Variants in ANTXR1 observed in about 807,000 individuals in gnomAD.
The protein encoded by ANTXR1 is anthrax toxin receptor 1.
A neutral mutation model predicts 78.1 loss-of-function variants in ANTXR1; 19 were observed. The observed-to-expected ratio is 0.24, with a 90% CI of 0.17 to 0.36. The LOEUF (loss-of-function observed/expected upper bound fraction) is 0.36, where lower values mean the gene tolerates loss of function less well. Ranked by LOEUF, ANTXR1 falls within the 10% of genes least tolerant of loss-of-function variation. The pLI, the probability that ANTXR1 is intolerant of heterozygous loss-of-function variation, is 1.00. For missense variants in ANTXR1, 518 were observed against 718.6 expected (o/e 0.72, Z 3.19); for synonymous variants, 273 against 260.5 (o/e 1.05, Z -0.46).
intron 9 of ANTXR1, among the ~76,000 whole-genome samples, chr2:69,101,254 TA>T (rs1187365093): frequency 2.0e-5 from 3 of 152,110 alleles, no homozygotes; most frequent in East Asian, 3.8e-4. Flanking sequence ...AAATAAGCTT[TA>T]AAAAAAATCA....
intron 9 of ANTXR1, among the ~76,000 whole-genome samples, chr2:69,101,988 A>G (rs1468464794): frequency 6.6e-6 from 1 of 152,256 alleles, no homozygotes; most frequent in Non-Finnish European, 1.5e-5. Context: ...GATTTTATTC[A>G]TGTGCATTAA....
chr2:69,119,334 GC>G (rs936849818), intron 10 of ANTXR1, among the ~76,000 whole-genome samples: 5 of 152,218 alleles, frequency 3.3e-5, no homozygotes, highest in Non-Finnish European at 7.3e-5. Context: ...GAGTCACATG[GC>G]CTCCTGTGGC....
At chr2:69,071,717 G>A (rs375431600) in intron 4 of ANTXR1, 37 bp from the exon 5 acceptor site, 15 of 1,611,020 alleles carry the variant, frequency 9.3e-6, no homozygotes, top group Non-Finnish European at 1.3e-5. Flanking sequence ...GACAAACAGT[G>A]GTTATAAGTC....
intron 13 of ANTXR1, among the ~76,000 whole-genome samples, chr2:69,165,036 G>C (rs549887315): frequency 2.0e-4 from 30 of 152,206 alleles, no homozygotes; most frequent in Non-Finnish European, 5.9e-5. Context: ...GTGGTCCCTA[G>C]ACCAGCAGGT....
chr2:69,153,816 G>A (rs1673459894), intron 13 of ANTXR1, among the ~76,000 whole-genome samples: 1 of 152,150 alleles, frequency 6.6e-6, no homozygotes, highest in Non-Finnish European at 1.5e-5. Context: ...TCTGGGTGAG[G>A]ACAGCTAGGA....
At chr2:69,116,635 C>T (rs1170066251) in intron 10 of ANTXR1, among the ~76,000 whole-genome samples, 2 of 152,182 alleles carry the variant, frequency 1.3e-5, no homozygotes, top group African/African-American at 2.4e-5. Context: ...AGTCCCTAAC[C>T]TCCACTGTTT....
chr2:69,079,710 G>T (rs139525990), intron 8 of ANTXR1, among the ~76,000 whole-genome samples: 39 of 152,320 alleles, frequency 2.6e-4, no homozygotes, highest in African/African-American at 9.4e-4. Context: ...GCTTGCATAC[G>T]TGGGAGGGAG....
At chr2:69,215,266 C>T (rs1675148151) in intron 17 of ANTXR1, among the ~76,000 whole-genome samples, 1 of 152,200 alleles carries the variant, frequency 6.6e-6, no homozygotes, top group African/African-American at 2.4e-5. Context: ...TGGAGACTCA[C>T]AGCACAGCAA....
chr2:69,228,336 G>A (rs145097679), intron 17 of ANTXR1, among the ~76,000 whole-genome samples: 1 of 152,186 alleles, frequency 6.6e-6, no homozygotes, highest in Admixed American at 6.5e-5. Context: ...GTTGGGACCC[G>A]TGGAAACTTC....
In ANTXR1 at chr2:69,130,953, CTT is replaced by C. The variant is rs919935916; in HGVS notation, c.951+6312_951+6313del. ...AACAAGACTGGGTGGCAGGCTGACTCTTTGCTACTTTTGAAGAGTTTTCCTCA... is the reference window on the plus strand; with the variant it reads ...AACAAGACTGGGTGGCAGGCTGACTCTGCTACTTTTGAAGAGTTTTCCTCA... On this transcript the variant is annotated intron_variant, in intron 12 of 17. Transcript: ENST00000303714. Among the ~76,000 whole-genome samples the C allele has an allele frequency of 2.6e-5, 4 of 152,166 alleles. No homozygotes were observed. In the South Asian group the frequency reaches 6.2e-4, roughly 24 times the overall value.
chr2:69,097,126 T>C (rs1004351872), intron 9 of ANTXR1, among the ~76,000 whole-genome samples: 1 of 152,348 alleles, frequency 6.6e-6, no homozygotes, highest in African/African-American at 2.4e-5. Context: ...CTAATTTAGC[T>C]CCTCTCTGGA....
At chr2:69,121,946 A>G (rs1272202102) in intron 10 of ANTXR1, among the ~76,000 whole-genome samples, 2 of 152,170 alleles carry the variant, frequency 1.3e-5, no homozygotes, top group Non-Finnish European at 2.9e-5. Context: ...CCATTAGAAG[A>G]AGCACAAGAA....
chr2:69,137,345 A>G (rs1406980054), intron 12 of ANTXR1, among the ~76,000 whole-genome samples: 2 of 152,188 alleles, frequency 1.3e-5, no homozygotes, highest in Admixed American at 6.5e-5. Context: ...TAAATTGCAT[A>G]TGAAATAAGG....
At chr2:69,043,463 T>C (rs929176978) in intron 2 of ANTXR1, among the ~76,000 whole-genome samples, 2 of 152,196 alleles carry the variant, frequency 1.3e-5, no homozygotes, top group Non-Finnish European at 2.9e-5. Flanking sequence ...ATTTAGGACA[T>C]GGTGTCCTGC....
intron 12 of ANTXR1, among the ~76,000 whole-genome samples, chr2:69,149,379 C>CCCCCT (rs749878641): frequency 2.6e-5 from 4 of 152,318 alleles, no homozygotes; most frequent in Admixed American, 6.5e-5. Context: ...AGTATGGAAG[C>CCCCCT]CCCCTCTCTC....
intron 3 of ANTXR1, among the ~76,000 whole-genome samples, chr2:69,055,890 T>TCCA (rs139207696): frequency 0.031 from 4,651 of 152,258 alleles, 266 homozygotes; most frequent in African/African-American, 0.11. Flanking sequence ...CAATTTGGGC[T>TCCA]CCACCACCAT....
intron 16 of ANTXR1, 94 bp downstream of exon 16, chr2:69,182,754 C>T (rs1674309561): frequency 5.2e-6 from 8 of 1,526,742 alleles, no homozygotes; most frequent in Non-Finnish European, 7.2e-6. Flanking sequence ...AAATCCCAAC[C>T]TAAAACCCAG....
At chr2:69,223,404 T>G (rs1675368766) in intron 17 of ANTXR1, among the ~76,000 whole-genome samples, 1 of 152,248 alleles carries the variant, frequency 6.6e-6, no homozygotes, top group African/African-American at 2.4e-5. Context: ...TTTTCTTTCC[T>G]ACGAATTTAC....
intron 9 of ANTXR1, among the ~76,000 whole-genome samples, chr2:69,091,491 C>A (rs952577349): frequency 6.7e-6 from 1 of 149,540 alleles, no homozygotes; most frequent in African/African-American, 2.5e-5. Context: ...TTCATGGGAC[C>A]TAATTAGAAG....
Sources: allele counts gnomAD v4.1 joint callset (sites outside exome capture counted in the v4.1 genomes callset), GRCh38; gene constraint gnomAD v4.1.1; transcripts MANE v1.5; gene names NCBI Gene and HGNC (gene_info 2026-07-23, HGNC 2026-07-21).